Variants in TENM2 observed in about 807,000 individuals in gnomAD.
TENM2 encodes teneurin transmembrane protein 2.
Under a neutral mutation model 245.2 loss-of-function variants are expected in TENM2, and 52 were observed. That is an observed-to-expected ratio of 0.21 (90% CI 0.17 to 0.27). The LOEUF is 0.27. TENM2 is among the 10% of genes least tolerant of loss of function. TENM2 has a pLI of 1.00. For missense variants in TENM2, 3,046 were observed against 3,666.8 expected, an observed-to-expected ratio of 0.83 and a Z score of 4.37; for synonymous variants, 1,363 against 1,438.9, an observed-to-expected ratio of 0.95 and a Z score of 1.19.
At chr5:167,847,070 C>A (rs1369970559) in intron 2 of TENM2, among the ~76,000 whole-genome samples, 2 of 152,214 alleles carry the variant, frequency 1.3e-5, no homozygotes, top group African/African-American at 4.8e-5. Flanking sequence ...CATCCTCCCA[C>A]CTCAGCTTCC....
At chr5:167,901,550 A>G (rs113863611) in intron 3 of TENM2, among the ~76,000 whole-genome samples, 2 of 152,274 alleles carry the variant, frequency 1.3e-5, no homozygotes, top group African/African-American at 4.8e-5. Context: ...AGCAGTTCTT[A>G]ATCTGTCAAG....
chr5:167,916,762 G>A (rs1272529998), intron 3 of TENM2, among the ~76,000 whole-genome samples: 3 of 152,160 alleles, frequency 2.0e-5, no homozygotes, highest in Non-Finnish European at 4.4e-5. Context: ...AAGAAAATCC[G>A]TGGGAGGCCT....
At chr5:167,682,855 G>C (rs1488521429) in intron 2 of TENM2, among the ~76,000 whole-genome samples, 1 of 152,164 alleles carries the variant, frequency 6.6e-6, no homozygotes, top group Non-Finnish European at 1.5e-5. Context: ...TTGATAAAAT[G>C]TAATCAGACT....
chr5:168,072,854 C>T (rs889009474), intron 7 of TENM2, among the ~76,000 whole-genome samples: 3 of 152,140 alleles, frequency 2.0e-5, no homozygotes, highest in Non-Finnish European at 2.9e-5. Context: ...AGCAACAAGG[C>T]GGCTCTGCAG....
chr5:167,873,797 A>G (rs1413238209), intron 2 of TENM2, among the ~76,000 whole-genome samples: 1 of 152,182 alleles, frequency 6.6e-6, no homozygotes, highest in Non-Finnish European at 1.5e-5. Context: ...ACCCAGCAAG[A>G]AAGTCATGCC....
At chr5:167,660,725 G>T (rs865919245) in intron 2 of TENM2, among the ~76,000 whole-genome samples, 1 of 152,016 alleles carries the variant, frequency 6.6e-6, no homozygotes, top group Non-Finnish European at 1.5e-5. Context: ...TTCTGGAAAT[G>T]CATGTTCCGA....
intron 2 of TENM2, among the ~76,000 whole-genome samples, chr5:167,758,570 C>T (rs1762455960): frequency 6.6e-6 from 1 of 152,168 alleles, no homozygotes; most frequent in Non-Finnish European, 1.5e-5. Flanking sequence ...TAGCCCTCTC[C>T]ATACAGTCTT....
the TENM2 span, among the ~76,000 whole-genome samples, chr5:167,084,614 A>G: frequency 6.6e-6 from 1 of 151,742 alleles, no homozygotes; most frequent in East Asian, 2.0e-4. Flanking sequence ...ACTCCCTTAA[A>G]CTTCTGTTAC....
intron 2 of TENM2, among the ~76,000 whole-genome samples, chr5:167,672,912 CAA>C (rs35274077): frequency 1.4e-3 from 155 of 110,778 alleles, no homozygotes; most frequent in East Asian, 2.5e-3. Context: ...TCAGGCAAAG[CAA>C]AAAAAAAAAA....
chr5:168,250,084 A>C (rs1163216340), intron 27 of TENM2, among the ~76,000 whole-genome samples: 2 of 151,778 alleles, frequency 1.3e-5, no homozygotes, highest in Non-Finnish European at 2.9e-5. Flanking sequence ...GGCTGACTGG[A>C]TGGCTGGCTG....
intron 2 of TENM2, among the ~76,000 whole-genome samples, chr5:167,423,788 G>A (rs895918260): frequency 1.1e-4 from 17 of 152,200 alleles, no homozygotes; most frequent in East Asian, 1.9e-4. Context: ...ACCCTCGGCC[G>A]TAAGTGAAGT....
chr5:167,464,226 G>T (rs763384641), intron 2 of TENM2, among the ~76,000 whole-genome samples: 1 of 152,170 alleles, frequency 6.6e-6, no homozygotes, highest in Non-Finnish European at 1.5e-5. Context: ...GTTTATGTGA[G>T]CTGAAGAAAA....
chr5:168,001,173 T>C (rs1294691767), intron 5 of TENM2, among the ~76,000 whole-genome samples: 1 of 152,210 alleles, frequency 6.6e-6, no homozygotes, highest in East Asian at 1.9e-4. Flanking sequence ...GGGAGGTTTT[T>C]GGTTTCTTGA....
At chr5:167,224,794 T>C in the TENM2 span, among the ~76,000 whole-genome samples, 1 of 152,072 alleles carries the variant, frequency 6.6e-6, no homozygotes, top group African/African-American at 2.4e-5. Flanking sequence ...CTTTGAGCAG[T>C]ATGGTAGTTT....
At chr5:167,703,733 A>G (rs1000301166) in intron 2 of TENM2, among the ~76,000 whole-genome samples, 2 of 152,176 alleles carry the variant, frequency 1.3e-5, no homozygotes, top group Non-Finnish European at 2.9e-5. Context: ...TCAAAAATGT[A>G]TAGTCTCATT....
chr5:167,894,896 G>C (rs1039819222), intron 3 of TENM2, among the ~76,000 whole-genome samples: 1 of 146,980 alleles, frequency 6.8e-6, no homozygotes, highest in Non-Finnish European at 1.5e-5. Context: ...AAGCTAAGAG[G>C]TTGCCTCTTC....
chr5:167,785,111 T>A (rs1398394027), intron 2 of TENM2, among the ~76,000 whole-genome samples: 2 of 152,240 alleles, frequency 1.3e-5, no homozygotes, highest in African/African-American at 4.8e-5. Flanking sequence ...TTTCTTTTTT[T>A]CCTACTACAC....
chr5:168,065,553 C>T (rs17051818), intron 7 of TENM2, among the ~76,000 whole-genome samples: 2 of 151,986 alleles, frequency 1.3e-5, no homozygotes, highest in African/African-American at 4.8e-5. Context: ...TATGAGTGTT[C>T]TATTATACTT....
intron 12 of TENM2, among the ~76,000 whole-genome samples, chr5:168,153,779 A>G (rs1331952375): frequency 6.6e-6 from 1 of 152,148 alleles, no homozygotes. Context: ...GTAGCTCAAG[A>G]ATGTGTATGT....
Sources: gnomAD v4.1 joint callset for allele counts (sites outside exome capture counted in the v4.1 genomes callset) on GRCh38, gnomAD v4.1.1 for gene constraint, MANE v1.5 for transcripts, NCBI Gene and HGNC (gene_info 2026-07-23, HGNC 2026-07-21) for gene names.